SLC29A3: variants seen among roughly 807,000 people sequenced by gnomAD.
SLC29A3 encodes the protein equilibrative nucleoside transporter 3.
In SLC29A3, 18 loss-of-function variants were observed where a neutral mutation model predicts 25.4. The observed-to-expected ratio is 0.71, with a 90% CI of 0.49 to 1.05. The LOEUF (loss-of-function observed/expected upper bound fraction) is 1.05, where lower values mean the gene tolerates loss of function less well. SLC29A3 is among the 50% of genes least tolerant of loss of function. The probability of loss-of-function intolerance (pLI) is 0.00; values close to 1 mark genes in which losing one functional copy is unlikely to be tolerated. For synonymous variants in SLC29A3, 258 were observed against 267.1 expected, an observed-to-expected ratio of 0.97 and a Z score of 0.33; for missense variants, 586 against 609.0, an observed-to-expected ratio of 0.96 and a Z score of 0.40.
intron 2 of SLC29A3, among the ~76,000 whole-genome samples, chr10:71,342,744 G>T (rs924466769): frequency 2.6e-5 from 4 of 152,196 alleles, no homozygotes; most frequent in Non-Finnish European, 5.9e-5. Context: ...GAGTGCCCCC[G>T]ACCAGTCCAG....
At chr10:71,366,562 C>T (rs1307282601), downstream of SLC29A3, among the ~76,000 whole-genome samples, 3 of 152,160 alleles carry the variant, frequency 2.0e-5, no homozygotes, top group African/African-American at 7.2e-5. Flanking sequence ...TGAGAACATG[C>T]TTATTCCTAC....
chr10:71,324,124 C>A (rs1314834933), intron 2 of SLC29A3, among the ~76,000 whole-genome samples: 1 of 152,164 alleles, frequency 6.6e-6, no homozygotes, highest in African/African-American at 2.4e-5. Context: ...GAGCTCAACT[C>A]TGAAGAGGAG....
At chr10:71,373,785 A>G (rs1355158250) in intron 3 of SLC29A3, among the ~76,000 whole-genome samples, 1 of 152,146 alleles carries the variant, frequency 6.6e-6, no homozygotes, top group Non-Finnish European at 1.5e-5. Flanking sequence ...GCTTGAACCT[A>G]TAAGGAAGGG....
intron 2 of SLC29A3, among the ~76,000 whole-genome samples, chr10:71,343,774 C>G (rs943593554): frequency 6.6e-6 from 1 of 152,180 alleles, no homozygotes; most frequent in East Asian, 1.9e-4. Context: ...ATAGCAAGAC[C>G]TCGTCTCTAC....
chr10:71,379,196 G>C (rs1308096974), intron 4 of SLC29A3, among the ~76,000 whole-genome samples: 1 of 152,170 alleles, frequency 6.6e-6, no homozygotes, highest in Non-Finnish European at 1.5e-5. Context: ...GAGGGCAGAG[G>C]GCCAGCCCAT....
intron 4 of SLC29A3, among the ~76,000 whole-genome samples, chr10:71,354,278 A>C (rs1846838956): frequency 6.6e-6 from 1 of 152,172 alleles, no homozygotes; most frequent in Non-Finnish European, 1.5e-5. Context: ...ATAGATGAGG[A>C]TACAGAGGCA....
intron 2 of SLC29A3, among the ~76,000 whole-genome samples, chr10:71,336,100 C>A (rs1341887645): frequency 6.6e-6 from 1 of 152,214 alleles, no homozygotes; most frequent in African/African-American, 2.4e-5. Context: ...ATAACATTTC[C>A]TTGCTGCTGC....
chr10:71,341,207 G>C (rs895115750), intron 2 of SLC29A3, among the ~76,000 whole-genome samples: 2 of 152,082 alleles, frequency 1.3e-5, no homozygotes, highest in African/African-American at 2.4e-5. Context: ...GGGTCTCTCT[G>C]TGGGGGTCAG....
Position 71,341,630 on chromosome 10 carries a change from G to A in SLC29A3, c.301-2579G>A, listed in dbSNP as rs368223542. Among the ~76,000 whole-genome samples, 11 of 152,346 alleles carry A rather than the reference G, an allele frequency of 7.2e-5. No homozygotes were observed. The South Asian group carries it at 2.3e-3, about 32-fold the overall frequency. On this transcript the variant is annotated intron_variant, in intron 2 of 5. Coordinates refer to ENST00000373189, the MANE Select transcript of SLC29A3 (RefSeq NM_018344.6). ...AGCTATCGGAAACCCTCATGAATTAGGAATCTATCTCTGCCTAGCAAAATA... is the reference window on the plus strand; with the variant it reads ...AGCTATCGGAAACCCTCATGAATTAAGAATCTATCTCTGCCTAGCAAAATA...
chr10:71,348,249 C>G (rs1333343242), intron 3 of SLC29A3, among the ~76,000 whole-genome samples: 2 of 152,262 alleles, frequency 1.3e-5, no homozygotes, highest in Non-Finnish European at 1.5e-5. Flanking sequence ...CCTCATCTTT[C>G]CAGCCTGGCC....
downstream of SLC29A3, chr10:71,365,483 A>G (rs780686): frequency 0.77 from 117,375 of 152,342 alleles, 46,016 homozygotes; most frequent in Non-Finnish European, 0.85. Flanking sequence ...GGGGCCAGCC[A>G]TGGTGATGGC....
chr10:71,324,035 A>G (rs72810330), intron 2 of SLC29A3, among the ~76,000 whole-genome samples: 280 of 152,278 alleles, frequency 1.8e-3, no homozygotes, highest in Middle Eastern at 3.4e-3. Flanking sequence ...AAGAGGATTA[A>G]GGAAAAAAAT....
intron 4 of SLC29A3, among the ~76,000 whole-genome samples, chr10:71,355,405 G>A (rs1564539756): frequency 1.3e-5 from 2 of 152,244 alleles, no homozygotes; most frequent in Middle Eastern, 3.2e-3. Context: ...ATGTGGTGGG[G>A]TGGTTGCGTG....
chr10:71,348,550 G>A (rs1490864919), intron 3 of SLC29A3, among the ~76,000 whole-genome samples: 1 of 152,198 alleles, frequency 6.6e-6, no homozygotes, highest in Middle Eastern at 3.2e-3. Flanking sequence ...GACAGCTCCA[G>A]CTGCTAGGAG....
chr10:71,380,676 C>A (rs1466414910), exon 5 of SLC29A3: 1 of 152,220 alleles, frequency 6.6e-6, no homozygotes, highest in Non-Finnish European at 1.5e-5. Flanking sequence ...CCAGCCTGCC[C>A]TTCTGGGAGG....
intron 3 of SLC29A3, among the ~76,000 whole-genome samples, chr10:71,370,763 GT>G (rs1276421905): frequency 1.3e-5 from 2 of 152,040 alleles, no homozygotes; most frequent in Non-Finnish European, 2.9e-5. Context: ...AAGTGCCATT[GT>G]TTTGCAGTTT....
chr10:71,322,944 A>C lies in SLC29A3; in HGVS notation c.190A>C (p.Ser64Arg). ...CATCTTCTTCAGCCTGGGCATTGGC[A>C]GTCTACTGCCATGGAACTTCTTTAT... ...YIIFFSLGIG[S>R]LLPWNFFITA... Residue 64 changes from serine (S) to arginine (R), a missense_variant, in exon 2 of 6, where the codon AGT becomes CGT. Ser to Arg is a moderately radical substitution (Grantham distance 110). Transcript: ENST00000373189. The C allele has an allele frequency of 6.2e-7, 1 of 1,614,232 alleles. No individual in the cohort carries two copies. Among genetic ancestry groups the C allele is most frequent in the Non-Finnish European group, 8.5e-7 (1 of 1,180,048 alleles).
At chr10:71,377,362 A>T (rs1316672463) in intron 4 of SLC29A3, among the ~76,000 whole-genome samples, 1 of 152,240 alleles carries the variant, frequency 6.6e-6, no homozygotes, top group African/African-American at 2.4e-5. Context: ...TCAGCAACTC[A>T]TGGCTATGCC....
intron 4 of SLC29A3, among the ~76,000 whole-genome samples, chr10:71,377,939 G>C (rs1847272815): frequency 6.6e-6 from 1 of 151,840 alleles, no homozygotes; most frequent in African/African-American, 2.4e-5. Flanking sequence ...GTCAGAGCTG[G>C]AATTTGAACT....
Sources: allele counts gnomAD v4.1 joint callset (sites outside exome capture counted in the v4.1 genomes callset), GRCh38; gene constraint gnomAD v4.1.1; transcripts MANE v1.5; gene names NCBI Gene and HGNC (gene_info 2026-07-23, HGNC 2026-07-21).